CELF2: variants seen among roughly 807,000 people sequenced by gnomAD.
The protein encoded by CELF2 is CUG triplet repeat RNA-binding protein 2.
Under a neutral mutation model 62.6 loss-of-function variants are expected in CELF2, and 8 were observed. That is an observed-to-expected ratio of 0.13 (90% CI 0.07 to 0.23). CELF2 has a LOEUF of 0.23. Among genes scored for constraint, CELF2 ranks in the 10% least tolerant of loss-of-function variants. The probability of loss-of-function intolerance (pLI) is 1.00; values close to 1 mark genes in which losing one functional copy is unlikely to be tolerated. For missense variants in CELF2, 333 were observed against 671.0 expected (o/e 0.50, Z 5.56); for synonymous variants, 258 against 250.0 (o/e 1.03, Z -0.30).
the CELF2 span, among the ~76,000 whole-genome samples, chr10:10,707,268 G>T: frequency 6.6e-6 from 1 of 152,186 alleles, no homozygotes; most frequent in Non-Finnish European, 1.5e-5. Flanking sequence ...AAATTCTCCA[G>T]TTGGGACTAT....
chr10:11,015,857 C>T (rs140200814), upstream of CELF2, among the ~76,000 whole-genome samples: 781 of 152,302 alleles, frequency 5.1e-3, 6 homozygotes, highest in Middle Eastern at 0.017. The surrounding 1 kb of genome is among the most constrained non-coding windows in gnomAD (Gnocchi z 4.8). Flanking sequence ...AACTAATTCA[C>T]ATGCAATTAA....
the CELF2 span, among the ~76,000 whole-genome samples, chr10:10,499,812 A>G: frequency 6.6e-6 from 1 of 152,186 alleles, no homozygotes; most frequent in African/African-American, 2.4e-5. Context: ...TGGGAGATGG[A>G]GGTTGCAGTG....
At chr10:10,809,213 G>C (rs1362079196) in intron 1 of CELF2, among the ~76,000 whole-genome samples, 1 of 151,894 alleles carries the variant, frequency 6.6e-6, no homozygotes, top group Non-Finnish European at 1.5e-5. Context: ...CTTTCTCTCT[G>C]TCTCTGTCTC....
In CELF2 at chr10:11,336,226, CCAAA is replaced by C. The variant is rs535037564; in HGVS notation, c.*7177_*7180del. The stretch of plus-strand genomic sequence containing the variant: ...CTGATAAGTGAATAAAACATTGTGA[CCAAA>C]CAATCAGCTTATTCACTTATCAGGA... On this transcript the variant is annotated 3_prime_UTR_variant, in exon 13 of 13. Transcript: ENST00000633077. This position sits in a 1 kb window ranked among gnomAD's most constrained non-coding sequence, Gnocchi z 5.4. The C allele has an allele frequency of 2.0e-5, 3 of 152,680 alleles. No homozygotes were observed. The highest frequency in any genetic ancestry group is 2.1e-4 in the South Asian group (1 of 4,830). The allele number at this position is 152,680 out of a possible 1,614,324, so 9.5% of individuals were successfully genotyped here.
At chr10:10,740,867 AT>A in the CELF2 span, among the ~76,000 whole-genome samples, 190 of 151,936 alleles carry the variant, frequency 1.3e-3, no homozygotes, top group African/African-American at 4.1e-3. Context: ...GATATGCAGG[AT>A]TTTTTTTTAA....
At chr10:10,733,784 G>A in the CELF2 span, among the ~76,000 whole-genome samples, 32 of 152,150 alleles carry the variant, frequency 2.1e-4, no homozygotes, top group African/African-American at 5.8e-4. Flanking sequence ...CAATTCAATC[G>A]TCTCCCACTG....
At chr10:10,581,875 A>G in the CELF2 span, among the ~76,000 whole-genome samples, 2 of 152,096 alleles carry the variant, frequency 1.3e-5, no homozygotes, top group Admixed American at 6.6e-5. Flanking sequence ...TAAAAATACA[A>G]AAATTAGTTG....
the CELF2 span, among the ~76,000 whole-genome samples, chr10:10,480,752 A>C: frequency 6.6e-6 from 1 of 152,244 alleles, no homozygotes; most frequent in Non-Finnish European, 1.5e-5. Flanking sequence ...AAACTATATT[A>C]TACAGAAAAC....
chr10:10,791,746 G>A, the CELF2 span, among the ~76,000 whole-genome samples: 1 of 152,152 alleles, frequency 6.6e-6, no homozygotes, highest in Non-Finnish European at 1.5e-5. Context: ...ACCAGCACTG[G>A]TCTGTGGATT....
At chr10:11,127,919 C>CCATT (rs1287932651) in intron 1 of CELF2, among the ~76,000 whole-genome samples, 2 of 152,176 alleles carry the variant, frequency 1.3e-5, no homozygotes, top group East Asian at 3.8e-4. Context: ...GCTTCTGTTG[C>CCATT]CATTGCTTTT....
At chr10:10,823,981 G>GATAGATAC (rs765880070) in intron 1 of CELF2, among the ~76,000 whole-genome samples, 25 of 152,170 alleles carry the variant, frequency 1.6e-4, no homozygotes, top group South Asian at 6.2e-4. Flanking sequence ...TAGATAGATA[G>GATAGATAC]ATAGATACAT....
rs2096035271 is a variant in CELF2, at chr10:11,332,067, TTTGA to T, written c.*3017_*3020del. 6.6e-6 allele frequency: 1 copy of T among 152,210 alleles called. No individual in the cohort carries two copies. The highest frequency in any genetic ancestry group is 2.4e-5 in the African/African-American group (1 of 41,444). 9.4% of individuals were successfully genotyped at this position (152,210 alleles called of 1,614,324 possible). A position where few individuals can be genotyped will look rare whatever the true frequency, so the allele number is the denominator to read the frequency against. ...AAAATCCTACACTACTTTTACTACT[TTTGA>T]TTATTTCTCATTTTTGGGAAAAGAA... is the stretch of plus-strand genomic sequence containing the variant. On this transcript the variant is annotated 3_prime_UTR_variant, in exon 13 of 13. Coordinates refer to ENST00000633077, the MANE Select transcript of CELF2 (RefSeq NM_001326342.2).
At chr10:11,281,859 G>A (rs192198627) in intron 8 of CELF2, among the ~76,000 whole-genome samples, 14 of 152,332 alleles carry the variant, frequency 9.2e-5, no homozygotes, top group Admixed American at 2.0e-4. Flanking sequence ...ATGAAGACAC[G>A]ATCACAAGTT....
chr10:11,112,093 A>G (rs556810382), intron 1 of CELF2, among the ~76,000 whole-genome samples: 3 of 152,340 alleles, frequency 2.0e-5, no homozygotes, highest in East Asian at 3.9e-4. Context: ...GTACCTTTAC[A>G]TATACATGGA....
intron 3 of CELF2, among the ~76,000 whole-genome samples, chr10:11,245,511 T>C (rs1029364647): frequency 2.0e-5 from 3 of 152,222 alleles, no homozygotes; most frequent in Non-Finnish European, 4.4e-5. Flanking sequence ...GGTCTGACAA[T>C]CCACGGCTCT....
chr10:11,148,505 A>C (rs1420852766), intron 1 of CELF2, among the ~76,000 whole-genome samples: 2 of 152,170 alleles, frequency 1.3e-5, no homozygotes, highest in African/African-American at 2.4e-5. Flanking sequence ...GACATATATG[A>C]ATTTTAATCA....
intron 1 of CELF2, among the ~76,000 whole-genome samples, chr10:10,900,919 C>T (rs1033620331): frequency 2.0e-5 from 3 of 152,198 alleles, no homozygotes; most frequent in African/African-American, 4.8e-5. Context: ...AATAGTATTT[C>T]TGTACACTGT....
intron 1 of CELF2, among the ~76,000 whole-genome samples, chr10:10,914,096 C>T (rs1311448718): frequency 6.7e-6 from 1 of 149,368 alleles, no homozygotes; most frequent in East Asian, 2.0e-4. Context: ...ATTTTTAGGA[C>T]AGGCAATACA....
At position 10,873,385 on chromosome 10, in the gene CELF2, G is replaced by T. The variant is rs546180835; in HGVS notation, c.54-46579G>T. 9.2e-5 allele frequency among the ~76,000 whole-genome samples: 14 copies of T among 152,264 alleles called. No individual in the cohort carries two copies. In the South Asian group the frequency reaches 2.1e-3, roughly 23 times the overall value. ...AATAAACTTAATTTTAGCCCTCGGG[G>T]TAACAGTATTAGTGATAAAACTATT... On this transcript the variant is annotated intron_variant, in intron 1 of 13. Transcript: ENST00000636488.
Sources: gnomAD v4.1 joint callset for allele counts (sites outside exome capture counted in the v4.1 genomes callset) on GRCh38, gnomAD v4.1.1 for gene constraint, Gnocchi (gnomAD v3.1) non-coding constraint, MANE v1.5 for transcripts, NCBI Gene and HGNC (gene_info 2026-07-23, HGNC 2026-07-21) for gene names.